The following USH2A variants were observed in gnomAD, a reference collection of about 807,000 sequenced individuals.
The protein encoded by USH2A is usherin, also known as Usher syndrome 2A (autosomal recessive, mild).
A neutral mutation model predicts 538.9 loss-of-function variants in USH2A; 443 were observed. The observed-to-expected ratio is 0.82, with a 90% CI of 0.76 to 0.89. The LOEUF is 0.89. Among genes scored for constraint, USH2A ranks in the 40% least tolerant of loss-of-function variants. The pLI is 0.00. For synonymous variants in USH2A, 2,413 were observed against 2,273.5 expected (o/e 1.06, Z -1.75); for missense variants, 6,633 against 6,324.8 (o/e 1.05, Z -1.65).
At chr1:216,278,468 C>A (rs1187824098) in intron 11 of USH2A, among the ~76,000 whole-genome samples, 1 of 152,186 alleles carries the variant, frequency 6.6e-6, no homozygotes, top group African/African-American at 2.4e-5. Flanking sequence ...CCTCTACAAT[C>A]TCAGAATAAT....
At chr1:216,225,671 T>C (rs1054426478) in intron 14 of USH2A, among the ~76,000 whole-genome samples, 3 of 152,190 alleles carry the variant, frequency 2.0e-5, no homozygotes, top group African/African-American at 7.2e-5. Context: ...CTGCCAAACC[T>C]GAGAAGAATC....
intron 54 of USH2A, 125 bp downstream of exon 54, chr1:215,781,917 G>A (rs955147095): frequency 1.0e-5 from 13 of 1,286,712 alleles, no homozygotes; most frequent in East Asian, 4.6e-5. Flanking sequence ...ACATGAACAC[G>A]CTACTTAACA....
chr1:215,709,909 A>T (rs1327540049), intron 61 of USH2A, among the ~76,000 whole-genome samples: 1 of 152,184 alleles, frequency 6.6e-6, no homozygotes, highest in Non-Finnish European at 1.5e-5. Context: ...GAATGATTTG[A>T]TTTAAAATCT....
intron 9 of USH2A, among the ~76,000 whole-genome samples, chr1:216,299,951 C>A (rs1269930475): frequency 6.6e-6 from 1 of 151,972 alleles, no homozygotes; most frequent in Non-Finnish European, 1.5e-5. Context: ...GGTCTTTGAT[C>A]CTAAAGATGA....
chr1:215,934,631 C>T lies in USH2A; in HGVS notation c.7285G>A (p.Ala2429Thr), dbSNP rs1311930353. Residue 2429 changes from alanine to threonine, a missense_variant, in exon 38 of 72, where the codon GCA becomes ACA. Transcript: ENST00000307340. Reference sequence around the variant, plus strand: ...ATAGACTTACCTCCTGGAGGCATTGCAATTGTTATAGGATCAGTTATCAAG... The same window carrying T: ...ATAGACTTACCTCCTGGAGGCATTGTAATTGTTATAGGATCAGTTATCAAG... Reference protein sequence around the residue: ...GSLITDPITIAMPPGAPDGVL... With the variant: ...GSLITDPITITMPPGAPDGVL... The T allele has an allele frequency of 1.1e-5, 18 of 1,612,082 alleles. No homozygotes were observed. Among genetic ancestry groups the T allele is most frequent in the Non-Finnish European group, 1.4e-5 (17 of 1,178,694 alleles).
chr1:216,311,476 C>T (rs1301306953), intron 9 of USH2A, among the ~76,000 whole-genome samples: 1 of 152,066 alleles, frequency 6.6e-6, no homozygotes, highest in Non-Finnish European at 1.5e-5. Flanking sequence ...TCCTTATGGC[C>T]CTGGGAACAG....
rs541681841 is a variant in USH2A at position 215,895,173 on chromosome 1, G to A, written c.7594+4902C>T. Among the ~76,000 whole-genome samples the A allele has an allele frequency of 4.6e-5, 7 of 152,250 alleles. No individual in the cohort carries two copies. In the South Asian group the frequency reaches 6.2e-4, roughly 14 times the overall value. ...AGTCCCTGGTACACAGTAGGTACAC[G>A]GTAAATGTTTGCTTGATTGAGTTTT... On this transcript the variant is annotated intron_variant, in intron 40 of 71. Coordinates refer to ENST00000307340, the MANE Select transcript of USH2A (RefSeq NM_206933.4).
intron 38 of USH2A, among the ~76,000 whole-genome samples, chr1:215,932,257 A>G (rs115926854): frequency 0.011 from 1,706 of 152,116 alleles, 17 homozygotes; most frequent in South Asian, 0.024. Context: ...TTCTCTGCCC[A>G]TAAGTTGGTT....
At chr1:216,343,526 A>T (rs1321025222) in intron 4 of USH2A, among the ~76,000 whole-genome samples, 4 of 78,178 alleles carry the variant, frequency 5.1e-5, no homozygotes, top group South Asian at 4.7e-4. Context: ...ACTACATCTT[A>T]AAAAAAAAAA....
At chr1:216,416,259 C>T (rs2039574863) in intron 3 of USH2A, among the ~76,000 whole-genome samples, 1 of 152,008 alleles carries the variant, frequency 6.6e-6, no homozygotes, top group Non-Finnish European at 1.5e-5. Flanking sequence ...TTATATAGAG[C>T]TCCATTTTAG....
intron 15 of USH2A, among the ~76,000 whole-genome samples, chr1:216,211,893 A>T (rs1440440268): frequency 6.6e-6 from 1 of 152,090 alleles, no homozygotes; most frequent in Non-Finnish European, 1.5e-5. Flanking sequence ...TGGTGGAGCC[A>T]CAAATATCAT....
At chr1:216,163,871 ATGGTTTT>A (rs2034116578) in intron 21 of USH2A, among the ~76,000 whole-genome samples, 1 of 151,974 alleles carries the variant, frequency 6.6e-6, no homozygotes, top group Admixed American at 6.6e-5. Context: ...GCTCACCTAC[ATGGTTTT>A]TCTTATATCT....
At chr1:216,169,396 G>T (rs534623824) in intron 21 of USH2A, among the ~76,000 whole-genome samples, 1 of 152,134 alleles carries the variant, frequency 6.6e-6, no homozygotes, top group Admixed American at 6.6e-5. Context: ...AAAAGGCAAG[G>T]GTTAAAACAC....
intron 21 of USH2A, among the ~76,000 whole-genome samples, chr1:216,113,660 T>C (rs909443188): frequency 6.6e-6 from 1 of 152,096 alleles, no homozygotes; most frequent in African/African-American, 2.4e-5. Context: ...GTATGGTTTC[T>C]TTGTCTGTCA....
chr1:215,628,184 GT>G (rs1374639280), intron 71 of USH2A, among the ~76,000 whole-genome samples: 1 of 152,106 alleles, frequency 6.6e-6, no homozygotes, highest in Non-Finnish European at 1.5e-5. Context: ...GTACCTTTTT[GT>G]TTTAGTAAAA....
At chr1:215,806,437 A>G (rs1474657636) in intron 49 of USH2A, among the ~76,000 whole-genome samples, 2 of 152,060 alleles carry the variant, frequency 1.3e-5, no homozygotes, top group Non-Finnish European at 2.9e-5. Context: ...TGCCTTTGTT[A>G]TCAACATCTC....
chr1:215,948,331 A>G (rs1041286597), intron 37 of USH2A, among the ~76,000 whole-genome samples: 1 of 151,850 alleles, frequency 6.6e-6, no homozygotes, highest in East Asian at 1.9e-4. Flanking sequence ...ATCAGCAACC[A>G]TAAAGAGAAA....
At chr1:215,766,404 C>G (rs561799806) in intron 56 of USH2A, among the ~76,000 whole-genome samples, 1 of 152,048 alleles carries the variant, frequency 6.6e-6, no homozygotes, top group South Asian at 2.1e-4. Context: ...TAGATGCTCC[C>G]AAAATATTTA....
chr1:216,276,730 T>C (rs951782076), intron 11 of USH2A, among the ~76,000 whole-genome samples: 1 of 152,084 alleles, frequency 6.6e-6, no homozygotes, highest in Non-Finnish European at 1.5e-5. Context: ...ACCTCTTACA[T>C]GGATGGCAGC....
Sources: gnomAD v4.1 joint callset for allele counts (sites outside exome capture counted in the v4.1 genomes callset) on GRCh38, gnomAD v4.1.1 for gene constraint, MANE v1.5 for transcripts, NCBI Gene and HGNC (gene_info 2026-07-23, HGNC 2026-07-21) for gene names.